L3HYPDH: variants seen among roughly 807,000 people sequenced by gnomAD.
L3HYPDH encodes trans-L-3-hydroxyproline dehydratase.
A neutral mutation model predicts 26.5 loss-of-function variants in L3HYPDH; 32 were observed. The observed-to-expected ratio is 1.21, with a 90% confidence interval of 0.91 to 1.62. The LOEUF (loss-of-function observed/expected upper bound fraction) is 1.62, where lower values mean the gene tolerates loss of function less well. Ranked by LOEUF, L3HYPDH falls within the 40% of genes most tolerant of loss-of-function variation. L3HYPDH has a pLI of 0.00. For missense variants in L3HYPDH, 554 were observed against 476.4 expected (o/e 1.16, Z -1.52); for synonymous variants, 215 against 196.6 (o/e 1.09, Z -0.78).
the L3HYPDH span, among the ~76,000 whole-genome samples, chr14:59,492,285 TGAAGATA>T: frequency 2.3e-4 from 35 of 152,074 alleles, no homozygotes; most frequent in Non-Finnish European, 4.4e-4. Context: ...ATTAAACAGT[TGAAGATA>T]GAATTAGTGA....
upstream of L3HYPDH, among the ~76,000 whole-genome samples, chr14:59,488,643 T>G (rs908873470): frequency 1.3e-5 from 2 of 152,198 alleles, no homozygotes; most frequent in African/African-American, 2.4e-5. Flanking sequence ...GTGAAGGTTC[T>G]TGATAAGCAT....
At chr14:59,478,449 TGG>T in intron 2 of L3HYPDH, among the ~76,000 whole-genome samples, 1 of 152,036 alleles carries the variant, frequency 6.6e-6, no homozygotes, top group African/African-American at 2.4e-5. Flanking sequence ...CTGGGTGTGA[TGG>T]GGCATGCCTG....
chr14:59,465,670 T>G (rs1594900057), intron 1 of L3HYPDH, among the ~76,000 whole-genome samples: 1 of 150,782 alleles, frequency 6.6e-6, no homozygotes, highest in Admixed American at 6.6e-5. Context: ...TGGGGAGTGG[T>G]GGGGGGGGCA....
At chr14:59,482,892 G>C (rs560090559) in intron 1 of L3HYPDH, among the ~76,000 whole-genome samples, 1 of 152,288 alleles carries the variant, frequency 6.6e-6, no homozygotes, top group Non-Finnish European at 1.5e-5. Flanking sequence ...AATGACTAAA[G>C]CATTCTTACT....
chr14:59,471,054 T>C (rs763069613), downstream of L3HYPDH, among the ~76,000 whole-genome samples: 65 of 151,392 alleles, frequency 4.3e-4, no homozygotes, highest in Non-Finnish European at 8.4e-4. Flanking sequence ...GTGAGCAGTA[T>C]TGAGAAGGCA....
intron 2 of L3HYPDH, among the ~76,000 whole-genome samples, chr14:59,477,711 G>A (rs554913870): frequency 3.3e-5 from 5 of 152,096 alleles, no homozygotes; most frequent in African/African-American, 1.2e-4. Context: ...ATTGGTACTG[G>A]CAGTACCAGA....
chr14:59,487,791 C>T, upstream of L3HYPDH: 1 of 1,613,592 alleles, frequency 6.2e-7, no homozygotes, highest in Non-Finnish European at 8.5e-7. Flanking sequence ...TCTGGTTTTA[C>T]ATTGGTTCTT....
At chr14:59,474,426 T>C (rs2139801966) in intron 4 of L3HYPDH, 1 of 668,308 alleles carries the variant, frequency 1.5e-6, no homozygotes, top group Non-Finnish European at 2.7e-6. Context: ...AATAAATGCA[T>C]CTACTTGCCA....
At chr14:59,473,133 C>G in intron 4 of L3HYPDH, 43 bp from the exon 5 acceptor site, 1 of 1,533,084 alleles carries the variant, frequency 6.5e-7, no homozygotes, top group Non-Finnish European at 8.8e-7. Context: ...ATATTGCACT[C>G]GTATTATATC....
chr14:59,484,231 C>G lies in L3HYPDH; in HGVS notation c.86G>C (p.Gly29Ala), dbSNP rs762997923. The G allele has an allele frequency of 1.3e-6, 2 of 1,598,404 alleles. No individual in the cohort carries two copies. Among genetic ancestry groups the G allele is most frequent in the Non-Finnish European group, 1.7e-6 (2 of 1,179,714 alleles). ...VLSVVDMHTGGEPLRIVLAGC... is the reference protein window; with the variant it reads ...VLSVVDMHTGAEPLRIVLAGC... ...CGCCAGCACGATACGCAAGGGCTCG[C>G]CGCCCGTGTGCATGTCCACCACCGA... Residue 29 changes from glycine to alanine, a missense_variant, in exon 1 of 5, where the codon GGC becomes GCC. Physicochemically the swap from Gly to Ala is moderately conservative, Grantham distance 60 (BLOSUM62 0). Coordinates refer to ENST00000247194, the MANE Select transcript of L3HYPDH (RefSeq NM_144581.2).
upstream of L3HYPDH, chr14:59,484,412 C>A (rs554806324): frequency 1.6e-4 from 219 of 1,406,634 alleles, no homozygotes; most frequent in Middle Eastern, 9.9e-4. Flanking sequence ...GGACGCTAAC[C>A]AGCCACGTCC....
intron 1 of L3HYPDH, among the ~76,000 whole-genome samples, chr14:59,467,594 C>T (rs767993145): frequency 2.0e-5 from 3 of 152,104 alleles, no homozygotes; most frequent in African/African-American, 4.8e-5. Context: ...CCTCTGGACT[C>T]CCCCCTCGGC....
the L3HYPDH span, chr14:59,503,816 C>T: frequency 2.3e-6 from 3 of 1,283,242 alleles, no homozygotes; most frequent in East Asian, 7.0e-5. Context: ...GCCTGATAAT[C>T]TGTATTTCTC....
At chr14:59,470,282 G>A (rs553367169), downstream of L3HYPDH, among the ~76,000 whole-genome samples, 25 of 152,214 alleles carry the variant, frequency 1.6e-4, no homozygotes, top group South Asian at 4.2e-4. Context: ...CATTAGCATC[G>A]CCTGAGAGCT....
chr14:59,495,591 T>C, the L3HYPDH span, among the ~76,000 whole-genome samples: 4 of 152,232 alleles, frequency 2.6e-5, no homozygotes, highest in African/African-American at 9.6e-5. Flanking sequence ...TTTCAAAATA[T>C]TAAATTCATA....
upstream of L3HYPDH, among the ~76,000 whole-genome samples, chr14:59,489,266 A>G (rs1427060733): frequency 6.6e-6 from 1 of 152,248 alleles, no homozygotes; most frequent in Non-Finnish European, 1.5e-5. Flanking sequence ...AAGCAGCCAC[A>G]GCACATCTTG....
At chr14:59,483,557 G>A (rs2139837755) in intron 1 of L3HYPDH, 1 of 1,411,464 alleles carries the variant, frequency 7.1e-7, no homozygotes, top group Non-Finnish European at 9.2e-7. Flanking sequence ...CTGAGTCAGG[G>A]TAACACGCAA....
At chr14:59,493,500 A>C in the L3HYPDH span, among the ~76,000 whole-genome samples, 95 of 152,364 alleles carry the variant, frequency 6.2e-4, no homozygotes, top group African/African-American at 2.2e-3. Context: ...CAAGCCACTA[A>C]GTATTGAGGT....
the L3HYPDH span, chr14:59,494,904 T>G: frequency 8.3e-6 from 6 of 720,246 alleles, no homozygotes; most frequent in Non-Finnish European, 7.0e-6. Context: ...CTCGAGTAGT[T>G]TTTGACTTTT....
Sources: allele counts gnomAD v4.1 joint callset (sites outside exome capture counted in the v4.1 genomes callset), GRCh38; gene constraint gnomAD v4.1.1; transcripts MANE v1.5; gene names NCBI Gene and HGNC (gene_info 2026-07-23, HGNC 2026-07-21).